Variants in ZFYVE27 observed in about 807,000 individuals in gnomAD.
ZFYVE27 encodes protrudin.
A neutral mutation model predicts 52.8 loss-of-function variants in ZFYVE27; 36 were observed. The observed-to-expected ratio is 0.68, with a 90% CI of 0.52 to 0.90. The LOEUF is 0.90. ZFYVE27 is among the 40% of genes least tolerant of loss of function. ZFYVE27 has a pLI of 0.00. For synonymous variants in ZFYVE27, 223 were observed against 215.6 expected (o/e 1.03, Z -0.30); for missense variants, 450 against 527.2 (o/e 0.85, Z 1.43).
chr10:97,750,292 C>G, intron 6 of ZFYVE27, 39 bp from the exon 7 acceptor site: 2 of 1,612,712 alleles, frequency 1.2e-6, no homozygotes, highest in Non-Finnish European at 8.5e-7. Flanking sequence ...CACGGTGTCT[C>G]ATTTTTGCCT....
chr10:97,757,540 C>T, intron 11 of ZFYVE27, 102 bp from the exon 12 acceptor site: 1 of 1,403,354 alleles, frequency 7.1e-7, no homozygotes, highest in Admixed American at 1.7e-5. Flanking sequence ...CCCCCAGGCC[C>T]AGTTTCCTTG....
chr10:97,744,971 C>CT, intron 4 of ZFYVE27, 56 bp downstream of exon 4: 1 of 1,530,120 alleles, frequency 6.5e-7, no homozygotes, highest in Non-Finnish European at 8.8e-7. Flanking sequence ...AGCCATGACA[C>CT]TAAGTGCTAG....
At chr10:97,751,330 C>T (rs1343921047) in intron 7 of ZFYVE27, 61 bp from the exon 8 acceptor site, 2 of 1,587,450 alleles carry the variant, frequency 1.3e-6, no homozygotes, top group Non-Finnish European at 1.7e-6. Context: ...GGAGGTGGTC[C>T]TCTGCCTTAG....
intron 12 of ZFYVE27, 106 bp from the exon 13 acceptor site, chr10:97,759,130 T>C: frequency 1.7e-6 from 2 of 1,196,500 alleles, no homozygotes; most frequent in South Asian, 2.5e-5. Flanking sequence ...GGGTGTGGGC[T>C]GGGTGGGGGG....
chr10:97,756,046 G>A (rs1302791422), intron 10 of ZFYVE27, among the ~76,000 whole-genome samples: 3 of 152,330 alleles, frequency 2.0e-5, no homozygotes, highest in Admixed American at 1.3e-4. Context: ...GCCCTGGGGT[G>A]CTTGGCCCTG....
chr10:97,758,249 A>G (rs2136403862), intron 12 of ZFYVE27: 1 of 152,764 alleles, frequency 6.5e-6, no homozygotes, highest in East Asian at 1.9e-4. Context: ...CATGTAGAAT[A>G]AAAGCACATG....
At chr10:97,748,170 A>C in intron 4 of ZFYVE27, 99 bp from the exon 5 acceptor site, 1 of 1,106,478 alleles carries the variant, frequency 9.0e-7, no homozygotes, top group Non-Finnish European at 1.3e-6. Flanking sequence ...GTGTGTTTAA[A>C]GAGATTGACC....
intron 11 of ZFYVE27, 108 bp downstream of exon 11, chr10:97,757,419 C>T: frequency 6.5e-7 from 1 of 1,528,292 alleles, no homozygotes; most frequent in South Asian, 1.1e-5. Flanking sequence ...TCACATTGGG[C>T]CTGGCAGTGG....
At chr10:97,757,102 G>T (rs2048548980) in intron 10 of ZFYVE27, 163 bp from the exon 11 acceptor site, 2 of 856,940 alleles carry the variant, frequency 2.3e-6, no homozygotes, top group South Asian at 1.6e-5. Context: ...CTTAGTTTGA[G>T]TCCTTCTTTC....
At chr10:97,752,008 A>T (rs533138612) in intron 8 of ZFYVE27, among the ~76,000 whole-genome samples, 1 of 152,356 alleles carries the variant, frequency 6.6e-6, no homozygotes, top group Non-Finnish European at 1.5e-5. Context: ...ATGTTTAAAT[A>T]TGGAGAGATT....
intron 2 of ZFYVE27, among the ~76,000 whole-genome samples, chr10:97,742,393 G>A (rs1457020889): frequency 6.6e-6 from 1 of 152,170 alleles, no homozygotes; most frequent in African/African-American, 2.4e-5. Context: ...GGGGGCTTCT[G>A]CATTGCCATT....
chr10:97,738,493 C>T lies in ZFYVE27; in HGVS notation c.16C>T (p.Arg6Cys). MQTSE[R>C]EGSGPELSPS... Reference sequence around the variant, plus strand: ...TGGTTACAGGATGCAGACATCAGAACGTGAGGGGAGTGGGCCGGAGCTGAG... The same window carrying T: ...TGGTTACAGGATGCAGACATCAGAATGTGAGGGGAGTGGGCCGGAGCTGAG... Residue 6 changes from arginine (R) to cysteine (C), a missense_variant, in exon 2 of 13, where the codon CGT (arginine) becomes TGT (cysteine). Arg to Cys is a radical substitution (Grantham distance 180). Coordinates refer to ENST00000684270, the MANE Select transcript of ZFYVE27 (RefSeq NM_001385875.1). 6.2e-7 allele frequency: 1 copy of T among 1,614,114 alleles called. No individual in the cohort carries two copies. Among genetic ancestry groups the T allele is most frequent in the Non-Finnish European group, 8.5e-7 (1 of 1,180,032 alleles).
In ZFYVE27 at chr10:97,749,561, T is replaced by C. The variant is rs897824220; in HGVS notation, c.639T>C (p.Phe213=). The part of the protein sequence containing the change: ...WVLTLLNSTL[F]LGNVEFFRVV... ...TCACCCTTTTAAACAGCACGCTCTT[T>C]CTGGGGAATGTGGAGTTCTTCCGAG... is the stretch of plus-strand genomic sequence containing the variant. Residue 213 remains phenylalanine (F), a synonymous_variant, in exon 6 of 13, where the codon TTT becomes TTC. Coordinates refer to ENST00000684270, the MANE Select transcript of ZFYVE27 (RefSeq NM_001385875.1). The C allele has an allele frequency of 1.2e-5, 20 of 1,614,072 alleles. No homozygotes were observed. Among genetic ancestry groups the C allele is most frequent in the Non-Finnish European group, 1.5e-5 (18 of 1,180,030 alleles).
At chr10:97,755,367 C>G (rs2048095376) in intron 10 of ZFYVE27, among the ~76,000 whole-genome samples, 1 of 152,170 alleles carries the variant, frequency 6.6e-6, no homozygotes, top group Non-Finnish European at 1.5e-5. Flanking sequence ...ATACACTAAG[C>G]TGGGGGGCTT....
At chr10:97,750,279 A>G in intron 6 of ZFYVE27, 52 bp from the exon 7 acceptor site, 2 of 1,609,964 alleles carry the variant, frequency 1.2e-6, no homozygotes, top group Admixed American at 1.7e-5. Flanking sequence ...CTAAAGTGCC[A>G]CTCACGGTGT....
chr10:97,755,108 C>T (rs1300912820), intron 10 of ZFYVE27, among the ~76,000 whole-genome samples: 1 of 152,224 alleles, frequency 6.6e-6, no homozygotes, highest in African/African-American at 2.4e-5. Context: ...CCAGCATGGG[C>T]AGAGGCCTTT....
chr10:97,753,824 A>C (rs2047636017), intron 10 of ZFYVE27, among the ~76,000 whole-genome samples: 1 of 152,208 alleles, frequency 6.6e-6, no homozygotes, highest in African/African-American at 2.4e-5. Context: ...AAGTTGAAGC[A>C]AACATTGTTT....
intron 3 of ZFYVE27, among the ~76,000 whole-genome samples, chr10:97,743,366 A>G (rs1214478359): frequency 2.0e-5 from 3 of 152,070 alleles, no homozygotes; most frequent in Non-Finnish European, 2.9e-5. Flanking sequence ...AGATTATTGA[A>G]CTTCCCTGTT....
At chr10:97,744,613 G>C in intron 3 of ZFYVE27, 116 bp from the exon 4 acceptor site, 1 of 1,229,080 alleles carries the variant, frequency 8.1e-7, no homozygotes, top group African/African-American at 1.5e-5. Context: ...GAGCTATCAG[G>C]GAAGGCCTGA....
Sources: gnomAD v4.1 joint callset for allele counts (sites outside exome capture counted in the v4.1 genomes callset) on GRCh38, gnomAD v4.1.1 for gene constraint, MANE v1.5 for transcripts, NCBI Gene and HGNC (gene_info 2026-07-23, HGNC 2026-07-21) for gene names.